RUFY1: variants seen among roughly 807,000 people sequenced by gnomAD.
The protein encoded by RUFY1 is RUN and FYVE domain-containing protein 1.
In RUFY1, 54 loss-of-function variants were observed where a neutral mutation model predicts 94.6. That is an observed-to-expected ratio of 0.57 (90% confidence interval 0.46 to 0.72). The LOEUF is 0.72. Ranked by LOEUF, RUFY1 falls within the 30% of genes least tolerant of loss-of-function variation. The probability of loss-of-function intolerance (pLI) is 0.00; values close to 1 mark genes in which losing one functional copy is unlikely to be tolerated. For missense variants in RUFY1, 883 were observed against 883.9 expected, an observed-to-expected ratio of 1.00 and a Z score of 0.01; for synonymous variants, 396 against 347.3, an observed-to-expected ratio of 1.14 and a Z score of -1.56.
In RUFY1 at chr5:179,550,670, A is replaced by G. The variant is rs561876430; in HGVS notation, c.101A>G (p.Glu34Gly). The change falls in exon 1 of 18, where the codon GAA (glutamate) becomes GGA (glycine). Residue 34 changes from glutamate (E) to glycine (G), a missense_variant. Glu to Gly is a moderately conservative substitution (Grantham distance 98). Transcript: ENST00000319449. Reference protein sequence around the residue: ...PGPGSALEPGEEFEIVDRSQL... With the variant: ...PGPGSALEPGGEFEIVDRSQL... ...CCCGGGTCAGCGCTTGAGCCGGGAGAAGAGTTTGAGATCGTGGACCGAAGC... is the reference window on the plus strand; with the variant it reads ...CCCGGGTCAGCGCTTGAGCCGGGAGGAGAGTTTGAGATCGTGGACCGAAGC... 2.0e-6 allele frequency: 3 copies of G among 1,492,490 alleles called. No homozygotes were observed. The highest frequency in any genetic ancestry group is 2.9e-5 in the African/African-American group (2 of 68,310). The allele number at this position is 1,492,490 out of a possible 1,614,324, so 92.5% of individuals were successfully genotyped here.
At chr5:179,602,599 G>T (rs1003806732) in intron 15 of RUFY1, 5 of 152,330 alleles carry the variant, frequency 3.3e-5, no homozygotes, top group African/African-American at 1.2e-4. Flanking sequence ...TTGCCCATTT[G>T]TGTGATGATT....
intron 17 of RUFY1, among the ~76,000 whole-genome samples, chr5:179,607,957 G>T (rs988020203): frequency 6.6e-6 from 1 of 152,218 alleles, no homozygotes. Flanking sequence ...TGCTCTAGGG[G>T]AGTGTCATTG....
chr5:179,580,282 G>T (rs1325699735), intron 6 of RUFY1, among the ~76,000 whole-genome samples: 1 of 137,068 alleles, frequency 7.3e-6, no homozygotes. Context: ...TCGCTCTGTC[G>T]CCCAGGCTGG....
chr5:179,596,399 C>T (rs1003182216), intron 12 of RUFY1, 163 bp from the exon 13 acceptor site: 27 of 878,430 alleles, frequency 3.1e-5, no homozygotes, highest in East Asian at 1.4e-4. Context: ...GTGGTGGGAC[C>T]GTCCTGTATT....
chr5:179,584,947 A>G (rs1321134899), intron 7 of RUFY1, among the ~76,000 whole-genome samples: 1 of 151,892 alleles, frequency 6.6e-6, no homozygotes, highest in Non-Finnish European at 1.5e-5. Flanking sequence ...CATCCTGGCT[A>G]ACACAGTGAA....
intron 4 of RUFY1, chr5:179,568,975 A>G (rs1200699191): frequency 2.2e-6 from 2 of 925,818 alleles, no homozygotes; most frequent in Non-Finnish European, 2.6e-6. Context: ...AATTCATATC[A>G]ACACAGAACA....
chr5:179,605,988 C>A, intron 16 of RUFY1, 64 bp downstream of exon 16: 2 of 1,073,256 alleles, frequency 1.9e-6, no homozygotes, highest in Non-Finnish European at 2.9e-6. Flanking sequence ...TGTGCTCGTA[C>A]GTTTAAGTAT....
intron 15 of RUFY1, 116 bp from the exon 16 acceptor site, chr5:179,605,760 G>A: frequency 4.0e-6 from 3 of 755,198 alleles, no homozygotes; most frequent in African/African-American, 1.7e-5. Flanking sequence ...CTCACGTTCT[G>A]GGTCTCCTCA....
intron 7 of RUFY1, among the ~76,000 whole-genome samples, chr5:179,583,415 T>C (rs548099297): frequency 6.8e-6 from 1 of 147,630 alleles, no homozygotes; most frequent in Non-Finnish European, 1.5e-5. Context: ...CATATAAATA[T>C]ATATATATAT....
chr5:179,560,321 G>A (rs1231375925), intron 2 of RUFY1, 123 bp downstream of exon 2: 1 of 1,258,786 alleles, frequency 7.9e-7, no homozygotes, highest in Non-Finnish European at 1.1e-6. Context: ...AACAGGCAAG[G>A]TTCCTGTATT....
intron 1 of RUFY1, chr5:179,555,812 T>C (rs752577616): frequency 9.2e-5 from 27 of 293,252 alleles, no homozygotes; most frequent in Non-Finnish European, 1.6e-4. Context: ...GATTTTTTTT[T>C]TTTTTTAATT....
chr5:179,591,700 G>C lies in RUFY1; in HGVS notation c.1204G>C (p.Asp402His). Residue 402 changes from aspartate (D) to histidine (H), a missense_variant, in exon 10 of 18, where the codon GAT becomes CAT. Transcript: ENST00000319449. ...GCAAGGTCTGGATGAAATGTACAGT[G>C]ATGTGTGGAAGCAGCTAAAAGAGGA... Reference protein sequence around the residue: ...TRQGLDEMYSDVWKQLKEEKK... With the variant: ...TRQGLDEMYSHVWKQLKEEKK... 1 of 1,612,532 alleles carries C rather than the reference G, an allele frequency of 6.2e-7. No individual in the cohort carries two copies. The highest frequency in any genetic ancestry group is 8.5e-7 in the Non-Finnish European group (1 of 1,179,554).
intron 8 of RUFY1, chr5:179,586,200 G>A: frequency 2.3e-6 from 1 of 432,138 alleles, no homozygotes; most frequent in Non-Finnish European, 4.5e-6. Flanking sequence ...GATGCCGTGT[G>A]CCTCCCTGCT....
At chr5:179,596,893 T>C (rs755449879) in intron 13 of RUFY1, 104 of 545,794 alleles carry the variant, frequency 1.9e-4, no homozygotes, top group Non-Finnish European at 2.8e-4. Context: ...CCAGCTCGCC[T>C]CCAGAAGATC....
chr5:179,600,992 A>G (rs1766315065), intron 14 of RUFY1, among the ~76,000 whole-genome samples: 1 of 151,616 alleles, frequency 6.6e-6, no homozygotes, highest in Non-Finnish European at 1.5e-5. Flanking sequence ...CACTGCGCCC[A>G]GCTGAGGGTA....
chr5:179,595,018 C>A, intron 12 of RUFY1, 55 bp downstream of exon 12: 1 of 1,268,360 alleles, frequency 7.9e-7, no homozygotes, highest in Non-Finnish European at 1.1e-6. Flanking sequence ...ATTCCCTGGG[C>A]CTGGAGACTT....
chr5:179,609,453 G>C lies in RUFY1; in HGVS notation c.2061G>C (p.Lys687Asn), dbSNP rs752872735. 1 of 1,612,576 alleles carries C rather than the reference G, an allele frequency of 6.2e-7. No individual in the cohort carries two copies. Among genetic ancestry groups the C allele is most frequent in the Non-Finnish European group, 8.5e-7 (1 of 1,179,822 alleles). Residue 687 changes from lysine to asparagine, a missense_variant, in exon 18 of 18, where the codon AAG (lysine) becomes AAC (asparagine). By Grantham distance (94) the Lys-to-Asn change is moderately conservative. Transcript: ENST00000319449. ...SNELALPSYP[K>N]PVRVCDSCHT... Reference sequence around the variant, plus strand: ...AGCTGGCCCTGCCCTCCTACCCCAAGCCGGTGCGAGTGTGCGACAGCTGCC... The same window carrying C: ...AGCTGGCCCTGCCCTCCTACCCCAACCCGGTGCGAGTGTGCGACAGCTGCC...
chr5:179,562,860 G>A (rs1762552287), intron 3 of RUFY1, 196 bp downstream of exon 3: 14 of 522,116 alleles, frequency 2.7e-5, no homozygotes, highest in Non-Finnish European at 3.7e-5. Context: ...AGTGATTCCT[G>A]CTTGCCACAC....
At chr5:179,575,782 TG>T (rs1244978327) in intron 5 of RUFY1, among the ~76,000 whole-genome samples, 2 of 152,100 alleles carry the variant, frequency 1.3e-5, no homozygotes, top group African/African-American at 2.4e-5. Flanking sequence ...GGAGTTTTGT[TG>T]TTTTTTTTGT....
Sources: allele counts gnomAD v4.1 joint callset (sites outside exome capture counted in the v4.1 genomes callset), GRCh38; gene constraint gnomAD v4.1.1; transcripts MANE v1.5; gene names NCBI Gene and HGNC (gene_info 2026-07-23, HGNC 2026-07-21).